The following GALNT13 variants were observed in gnomAD, a reference collection of about 807,000 sequenced individuals.
GALNT13 encodes polypeptide N-acetylgalactosaminyltransferase 13.
A neutral mutation model predicts 64.2 loss-of-function variants in GALNT13; 28 were observed. That is an observed-to-expected ratio of 0.44 (90% confidence interval 0.32 to 0.60). The LOEUF (loss-of-function observed/expected upper bound fraction) is 0.60, where lower values mean the gene tolerates loss of function less well. Among genes scored for constraint, GALNT13 ranks in the 20% least tolerant of loss-of-function variants. GALNT13 has a pLI of 0.05. For missense variants in GALNT13, 577 were observed against 669.8 expected (o/e 0.86, Z 1.53); for synonymous variants, 214 against 224.6 (o/e 0.95, Z 0.42).
Position 154,240,037 on chromosome 2 carries a change from A to G in GALNT13, c.312-1993A>G, listed in dbSNP as rs540828529. Among the ~76,000 whole-genome samples the G allele has an allele frequency of 3.3e-5, 5 of 152,336 alleles. No homozygotes were observed. The South Asian group carries it at 1.0e-3, about 32-fold the overall frequency. On this transcript the variant is annotated intron_variant, in intron 4 of 12. Transcript: ENST00000392825. ...GTTTATATTATGGTACTAATTATCT[A>G]GCTCTTCAGAATATTTTACATAAAA... is the stretch of plus-strand genomic sequence containing the variant.
chr2:153,328,326 G>A, the GALNT13 span, among the ~76,000 whole-genome samples: 3 of 152,328 alleles, frequency 2.0e-5, no homozygotes, highest in South Asian at 6.2e-4. Context: ...CAGACCTGCA[G>A]TGCTGTGCTG....
chr2:153,629,128 T>C, the GALNT13 span, among the ~76,000 whole-genome samples: 12 of 152,162 alleles, frequency 7.9e-5, no homozygotes, highest in Non-Finnish European at 1.5e-4. Context: ...TCTAGTTTAT[T>C]TGCATAGAGG....
chr2:153,552,207 G>A, the GALNT13 span, among the ~76,000 whole-genome samples: 2 of 152,270 alleles, frequency 1.3e-5, no homozygotes, highest in Middle Eastern at 3.4e-3. Context: ...TAAATAGATC[G>A]AGGAAAGACT....
At chr2:153,510,918 A>C in the GALNT13 span, among the ~76,000 whole-genome samples, 4 of 151,874 alleles carry the variant, frequency 2.6e-5, no homozygotes, top group Non-Finnish European at 4.4e-5. Flanking sequence ...AGAGTGGGCC[A>C]CTCTGTGGTA....
the GALNT13 span, among the ~76,000 whole-genome samples, chr2:153,306,438 A>C: frequency 6.6e-6 from 1 of 152,226 alleles, no homozygotes; most frequent in African/African-American, 2.4e-5. Context: ...TAATCATATG[A>C]CAACTAGCAT....
At chr2:153,577,534 A>G in the GALNT13 span, among the ~76,000 whole-genome samples, 2 of 152,110 alleles carry the variant, frequency 1.3e-5, no homozygotes, top group East Asian at 3.9e-4. Flanking sequence ...TTGAGAGCAT[A>G]AAATTCATCA....
At chr2:153,242,465 A>G in the GALNT13 span, among the ~76,000 whole-genome samples, 2 of 152,216 alleles carry the variant, frequency 1.3e-5, no homozygotes, top group Non-Finnish European at 2.9e-5. Flanking sequence ...ATCCATGGTT[A>G]AGCCATAATC....
chr2:154,412,156 C>T (rs17814066), intron 11 of GALNT13, among the ~76,000 whole-genome samples: 25,949 of 151,562 alleles, frequency 0.17, 2,835 homozygotes, highest in Non-Finnish European at 0.25. Flanking sequence ...GATTTCAAAA[C>T]GATGAACAAC....
intron 7 of GALNT13, among the ~76,000 whole-genome samples, chr2:154,254,783 C>G (rs1173126406): frequency 1.3e-5 from 2 of 151,842 alleles, no homozygotes; most frequent in Non-Finnish European, 2.9e-5. Flanking sequence ...ACTGCAAAAG[C>G]ACAACTTATG....
the GALNT13 span, among the ~76,000 whole-genome samples, chr2:153,114,255 C>T: frequency 6.6e-6 from 1 of 152,084 alleles, no homozygotes; most frequent in Non-Finnish European, 1.5e-5. Context: ...TGGTCAGCTC[C>T]TCTCTGGAGC....
chr2:153,673,139 G>C, the GALNT13 span, among the ~76,000 whole-genome samples: 3 of 152,128 alleles, frequency 2.0e-5, no homozygotes, highest in Non-Finnish European at 4.4e-5. Flanking sequence ...ACAAAGATGA[G>C]CTGGTACCAT....
the GALNT13 span, among the ~76,000 whole-genome samples, chr2:153,068,429 T>G: frequency 6.6e-6 from 1 of 152,186 alleles, no homozygotes; most frequent in Non-Finnish European, 1.5e-5. Flanking sequence ...AGATGTTTAC[T>G]GAGGTTTTGT....
the GALNT13 span, among the ~76,000 whole-genome samples, chr2:153,238,601 T>C: frequency 7.4e-6 from 1 of 135,832 alleles, no homozygotes; most frequent in Non-Finnish European, 1.7e-5. Context: ...TTTTCCCCAG[T>C]GTATTGCTCT....
At chr2:154,015,569 T>C (rs550587878) in intron 3 of GALNT13, among the ~76,000 whole-genome samples, 1 of 152,348 alleles carries the variant, frequency 6.6e-6, no homozygotes, top group South Asian at 2.1e-4. Flanking sequence ...GGACAACTTT[T>C]CCCATTTTAT....
At chr2:153,417,715 A>C in the GALNT13 span, among the ~76,000 whole-genome samples, 2 of 152,314 alleles carry the variant, frequency 1.3e-5, no homozygotes, top group African/African-American at 2.4e-5. Flanking sequence ...ACAAATGAGA[A>C]GTTCCACTTG....
At chr2:153,513,917 TCTTTA>T in the GALNT13 span, among the ~76,000 whole-genome samples, 1 of 152,142 alleles carries the variant, frequency 6.6e-6, no homozygotes, top group Admixed American at 6.5e-5. Flanking sequence ...CTGCTTCCTT[TCTTTA>T]CTTTCCTTTT....
At chr2:153,630,163 A>T in the GALNT13 span, among the ~76,000 whole-genome samples, 3 of 151,868 alleles carry the variant, frequency 2.0e-5, no homozygotes, top group Non-Finnish European at 4.4e-5. Context: ...TACCCAAAGG[A>T]TTATAAGTCA....
the GALNT13 span, among the ~76,000 whole-genome samples, chr2:153,092,469 AG>A: frequency 6.6e-6 from 1 of 152,160 alleles, no homozygotes; most frequent in Admixed American, 6.5e-5. Context: ...TTCCAATCCA[AG>A]AATGTGGAAT....
the GALNT13 span, among the ~76,000 whole-genome samples, chr2:153,727,845 G>A: frequency 6.6e-6 from 1 of 151,976 alleles, no homozygotes; most frequent in African/African-American, 2.4e-5. Flanking sequence ...CGTCATTCAG[G>A]TTTTAAGCCC....
Sources: allele counts gnomAD v4.1 joint callset (sites outside exome capture counted in the v4.1 genomes callset), GRCh38; gene constraint gnomAD v4.1.1; transcripts MANE v1.5; gene names NCBI Gene and HGNC (gene_info 2026-07-23, HGNC 2026-07-21).